The following PPM1E variants were observed in gnomAD, a reference collection of about 807,000 sequenced individuals.
PPM1E encodes protein phosphatase 1E.
A neutral mutation model predicts 65.9 loss-of-function variants in PPM1E; 20 were observed. That is an observed-to-expected ratio of 0.30 (90% CI 0.21 to 0.44). The LOEUF (loss-of-function observed/expected upper bound fraction) is 0.44. Among genes scored for constraint, PPM1E ranks in the 20% least tolerant of loss-of-function variants. The pLI is 1.00. For synonymous variants in PPM1E, 352 were observed against 374.9 expected, an observed-to-expected ratio of 0.94 and a Z score of 0.70; for missense variants, 713 against 953.1, an observed-to-expected ratio of 0.75 and a Z score of 3.32.
intron 1 of PPM1E, among the ~76,000 whole-genome samples, chr17:58,829,692 C>T (rs1188652239): frequency 6.6e-6 from 1 of 152,002 alleles, no homozygotes; most frequent in Non-Finnish European, 1.5e-5. Context: ...TTTCTTTTCT[C>T]ATTTTGCTGG....
intron 1 of PPM1E, among the ~76,000 whole-genome samples, chr17:58,872,228 C>T (rs576216624): frequency 1.3e-5 from 2 of 151,876 alleles, no homozygotes; most frequent in African/African-American, 2.4e-5. Context: ...ACCCAGGAGG[C>T]GGAGGTTGCA....
chr17:58,873,984 T>C (rs2051102109), intron 1 of PPM1E, among the ~76,000 whole-genome samples: 1 of 152,140 alleles, frequency 6.6e-6, no homozygotes, highest in African/African-American at 2.4e-5. Flanking sequence ...AATTCATTTA[T>C]TGAAATCTTG....
intron 1 of PPM1E, among the ~76,000 whole-genome samples, chr17:58,795,064 G>T (rs973794772): frequency 1.3e-5 from 2 of 151,708 alleles, no homozygotes; most frequent in East Asian, 3.9e-4. Context: ...AATTTTCTTT[G>T]TATCTACAGT....
intron 1 of PPM1E, among the ~76,000 whole-genome samples, chr17:58,885,374 T>C (rs2051253807): frequency 6.6e-6 from 1 of 152,216 alleles, no homozygotes; most frequent in Non-Finnish European, 1.5e-5. Flanking sequence ...TTATTTTAAA[T>C]ATCAAACAGT....
chr17:58,778,960 A>ATATATT, intron 1 of PPM1E, among the ~76,000 whole-genome samples: 1 of 131,320 alleles, frequency 7.6e-6, no homozygotes, highest in Admixed American at 7.7e-5. Context: ...ATATATATAT[A>ATATATT]TGTAGTATTG....
intron 1 of PPM1E, among the ~76,000 whole-genome samples, chr17:58,923,102 A>G (rs891472274): frequency 6.1e-3 from 7 of 1,142 alleles, no homozygotes; most frequent in Non-Finnish European, 7.8e-3. Flanking sequence ...CCTGGCCAAC[A>G]TGGCAAAACC....
intron 1 of PPM1E, among the ~76,000 whole-genome samples, chr17:58,778,330 C>T (rs1166197029): frequency 6.6e-6 from 1 of 151,080 alleles, no homozygotes; most frequent in Non-Finnish European, 1.5e-5. Flanking sequence ...GAACTCCTGA[C>T]CTCAGGTGAT....
intron 1 of PPM1E, among the ~76,000 whole-genome samples, chr17:58,789,221 A>T (rs2050132613): frequency 6.6e-6 from 1 of 152,316 alleles, no homozygotes; most frequent in Admixed American, 6.5e-5. Context: ...AGAACATAAG[A>T]AACATTTTAC....
intron 1 of PPM1E, 42 bp downstream of exon 1, chr17:58,756,503 C>A: frequency 1.6e-6 from 2 of 1,263,554 alleles, no homozygotes; most frequent in South Asian, 3.7e-5. Context: ...CCGCGGTCCC[C>A]ACCGCGCCGG....
chr17:58,972,906 G>A lies in PPM1E; in HGVS notation c.1191G>A (p.Leu397=). 1 of 1,612,920 alleles carries A rather than the reference G, an allele frequency of 6.2e-7. No homozygotes were observed. The highest frequency in any genetic ancestry group is 8.5e-7 in the Non-Finnish European group (1 of 1,179,108). The stretch of plus-strand genomic sequence containing the variant: ...GTGCCTGGAGGGTGAATGGAAGTCT[G>A]TCGGTTTCCAGAGCTATTGGTAGGA... ...WFGAWRVNGS[L]SVSRAIGDAE... is the part of the protein sequence containing the mutation. The change falls in exon 6 of 7, where the codon CTG becomes CTA. Residue 397 remains leucine, a synonymous_variant. Coordinates refer to ENST00000308249, the MANE Select transcript of PPM1E (RefSeq NM_014906.5).
chr17:58,960,765 C>CAA (rs58614877), intron 2 of PPM1E, among the ~76,000 whole-genome samples: 38 of 68,862 alleles, frequency 5.5e-4, no homozygotes, highest in African/African-American at 1.2e-3. Flanking sequence ...GACTCTGTCT[C>CAA]AAAAAAAAAA....
intron 1 of PPM1E, among the ~76,000 whole-genome samples, chr17:58,769,916 A>G (rs953723179): frequency 1.4e-4 from 22 of 152,030 alleles, no homozygotes; most frequent in Admixed American, 9.2e-4. Context: ...AGTCCCAGCT[A>G]TTCAGGAGGT....
rs148663216 is a variant in PPM1E, at chr17:58,885,921, C to G, written c.465-69728C>G. On this transcript the variant is annotated intron_variant, in intron 1 of 6. Transcript: ENST00000308249. ...ACTGTTCACATACACAGACTTTTAT[C>G]CTGGTTTTTCACTTTGTGCTTCCTC... Among the ~76,000 whole-genome samples the G allele has an allele frequency of 9.9e-5, 15 of 152,256 alleles. No homozygotes were observed. The East Asian group carries it at 2.9e-3, about 29-fold the overall frequency.
intron 1 of PPM1E, among the ~76,000 whole-genome samples, chr17:58,814,452 C>G (rs2050397134): frequency 6.6e-6 from 1 of 152,090 alleles, no homozygotes; most frequent in Non-Finnish European, 1.5e-5. Context: ...TATACATGGT[C>G]CTGTGTAATT....
chr17:58,915,051 C>A (rs750858539), intron 1 of PPM1E, among the ~76,000 whole-genome samples: 1 of 151,980 alleles, frequency 6.6e-6, no homozygotes, highest in Admixed American at 6.6e-5. Context: ...TAATTGTTAC[C>A]GGAAAGGGGT....
intron 1 of PPM1E, among the ~76,000 whole-genome samples, chr17:58,825,867 G>A (rs1284576344): frequency 6.6e-6 from 1 of 151,986 alleles, no homozygotes; most frequent in East Asian, 1.9e-4. Context: ...ACCGCACGCA[G>A]CCCCATTCTC....
intron 1 of PPM1E, among the ~76,000 whole-genome samples, chr17:58,907,744 C>T (rs2051575956): frequency 6.6e-6 from 1 of 152,156 alleles, no homozygotes; most frequent in Non-Finnish European, 1.5e-5. Flanking sequence ...ATGTAATGCC[C>T]TTCTTCAGCC....
intron 1 of PPM1E, among the ~76,000 whole-genome samples, chr17:58,865,034 T>G (rs959177906): frequency 1.3e-5 from 2 of 152,106 alleles, no homozygotes; most frequent in African/African-American, 4.8e-5. Flanking sequence ...ACAACATCAG[T>G]GTTTAGTGAA....
chr17:58,977,219 T>C (rs2031057597), intron 6 of PPM1E, among the ~76,000 whole-genome samples: 1 of 151,724 alleles, frequency 6.6e-6, no homozygotes, highest in Admixed American at 6.6e-5. Flanking sequence ...CCCAGGTGGG[T>C]AGATCACAAG....
Sources: allele counts gnomAD v4.1 joint callset (sites outside exome capture counted in the v4.1 genomes callset), GRCh38; gene constraint gnomAD v4.1.1; transcripts MANE v1.5; gene names NCBI Gene and HGNC (gene_info 2026-07-23, HGNC 2026-07-21).